The following RYR3 variants were observed in gnomAD, a reference collection of about 807,000 sequenced individuals.
RYR3 encodes ryanodine receptor 3.
Under a neutral mutation model 584.3 loss-of-function variants are expected in RYR3, and 207 were observed. The observed-to-expected ratio is 0.35, with a 90% CI of 0.32 to 0.40. The LOEUF (loss-of-function observed/expected upper bound fraction) is 0.40. RYR3 is among the 10% of genes least tolerant of loss of function. RYR3 has a pLI of 1.00. For missense variants in RYR3, 5,616 were observed against 6,089.2 expected (o/e 0.92, Z 2.59); for synonymous variants, 2,416 against 2,248.5 (o/e 1.07, Z -2.11).
In RYR3 at chr15:33,726,480, C is replaced by T. The variant is rs1434123396; in HGVS notation, c.7007C>T (p.Pro2336Leu). The stretch of plus-strand genomic sequence containing the variant: ...GACCTGGTTGGGATCATCAGCATCC[C>T]CTTGAAACTGCCCTCCCTCAACAAA... ...TEDLVGIISIPLKLPSLNKDG... is the reference protein window; with the variant it reads ...TEDLVGIISILLKLPSLNKDG... Residue 2336 changes from proline (P) to leucine (L), a missense_variant, in exon 46 of 104, where the codon CCC becomes CTC. Physicochemically the swap from Pro to Leu is moderately conservative, Grantham distance 98. Coordinates refer to ENST00000634891, the MANE Select transcript of RYR3 (RefSeq NM_001036.6). 1 of 1,602,028 alleles carries T rather than the reference C, an allele frequency of 6.2e-7. No individual in the cohort carries two copies. The highest frequency in any genetic ancestry group is 1.3e-5 in the African/African-American group (1 of 74,674).
intron 82 of RYR3, 33 bp from the exon 83 acceptor site, chr15:33,826,219 C>T: frequency 3.1e-6 from 5 of 1,610,262 alleles, no homozygotes; most frequent in Non-Finnish European, 4.2e-6. Context: ...AGTTTTCTTA[C>T]TTTCTATTCT....
chr15:33,623,312 C>T (rs984031508), intron 19 of RYR3, among the ~76,000 whole-genome samples: 1 of 152,206 alleles, frequency 6.6e-6, no homozygotes, highest in Non-Finnish European at 1.5e-5. Context: ...TCTGATGTTA[C>T]TTAGTCTTTT....
intron 81 of RYR3, 21 bp downstream of exon 81, chr15:33,823,093 A>G: frequency 6.2e-7 from 1 of 1,600,614 alleles, no homozygotes; most frequent in Non-Finnish European, 8.5e-7. Context: ...GAAAACTACC[A>G]TAGCATTTAA....
chr15:33,701,871 C>T (rs193067897), intron 42 of RYR3, among the ~76,000 whole-genome samples: 37 of 152,116 alleles, frequency 2.4e-4, no homozygotes, highest in East Asian at 2.1e-3. Flanking sequence ...GAGAGTATGG[C>T]GTGCTGGGGA....
At chr15:33,731,935 C>T (rs566214726) in intron 48 of RYR3, among the ~76,000 whole-genome samples, 6 of 152,256 alleles carry the variant, frequency 3.9e-5, no homozygotes, top group East Asian at 3.9e-4. Context: ...TTACCCATTA[C>T]GGTTGATGGA....
intron 1 of RYR3, among the ~76,000 whole-genome samples, chr15:33,450,109 A>AAAAAAAAAAAAC (rs1420732027): frequency 1.4e-5 from 2 of 147,042 alleles, no homozygotes; most frequent in African/African-American, 2.6e-5. Context: ...AAAAAAAAAA[A>AAAAAAAAAAAAC]AAGCCGGCAA....
At chr15:33,778,262 G>A (rs1341737393) in intron 64 of RYR3, among the ~76,000 whole-genome samples, 1 of 152,064 alleles carries the variant, frequency 6.6e-6, no homozygotes, top group Admixed American at 6.6e-5. Context: ...CTTTCCCAAT[G>A]CTCTCCCTGT....
intron 38 of RYR3, among the ~76,000 whole-genome samples, chr15:33,683,565 T>C (rs1269314892): frequency 2.6e-5 from 4 of 152,104 alleles, no homozygotes; most frequent in Non-Finnish European, 2.9e-5. Context: ...CCCAGCATGA[T>C]TGACACAGAA....
intron 15 of RYR3, among the ~76,000 whole-genome samples, chr15:33,585,430 CTTATATA>C (rs2058798547): frequency 6.6e-6 from 1 of 152,112 alleles, no homozygotes; most frequent in Non-Finnish European, 1.5e-5. Flanking sequence ...TAAGCCTTCA[CTTATATA>C]ACCTATCCAG....
At position 33,537,516 on chromosome 15, in the gene RYR3, T is replaced by C. The variant is rs559481211; in HGVS notation, c.434-1834T>C. ...ACAGCTTCACAAGTCATACACACTT[T>C]ACTGTAATTCTATATTGGAAATTTT... On this transcript the variant is annotated intron_variant, in intron 5 of 103. Transcript: ENST00000634891. Among the ~76,000 whole-genome samples the C allele has an allele frequency of 2.1e-5, 3 of 139,560 alleles. No individual in the cohort carries two copies. The Admixed American group carries it at 2.3e-4, about 11-fold the overall frequency. The allele number at this position is 139,560 out of a possible 152,430, so 91.6% of individuals were successfully genotyped here. A position where few individuals can be genotyped will look rare whatever the true frequency, so the allele number is the denominator to read the frequency against.
At chr15:33,420,091 G>T (rs1045536542) in intron 1 of RYR3, among the ~76,000 whole-genome samples, 1 of 152,128 alleles carries the variant, frequency 6.6e-6, no homozygotes, top group African/African-American at 2.4e-5. Flanking sequence ...CTATAATTAT[G>T]AATTTATCAG....
At chr15:33,656,457 C>T (rs1422990388) in intron 32 of RYR3, among the ~76,000 whole-genome samples, 5 of 151,526 alleles carry the variant, frequency 3.3e-5, no homozygotes, top group African/African-American at 7.3e-5. Flanking sequence ...GCCAGACTGA[C>T]CCACGGCTGG....
At chr15:33,446,286 C>T (rs1327550684) in intron 1 of RYR3, among the ~76,000 whole-genome samples, 2 of 152,168 alleles carry the variant, frequency 1.3e-5, no homozygotes, top group Admixed American at 6.5e-5. Flanking sequence ...CTGAGCTCTT[C>T]CCTCTCAGAT....
intron 38 of RYR3, among the ~76,000 whole-genome samples, chr15:33,685,800 G>T (rs1043995321): frequency 3.3e-5 from 5 of 152,146 alleles, no homozygotes; most frequent in Non-Finnish European, 7.3e-5. Context: ...ACTCAAAACC[G>T]CACAACTACA....
At chr15:33,859,463 T>C (rs1397185857) in intron 99 of RYR3, 112 bp from the exon 100 acceptor site, 1 of 1,175,490 alleles carries the variant, frequency 8.5e-7, no homozygotes, top group Non-Finnish European at 1.2e-6. Flanking sequence ...AGAGTTCCCC[T>C]CTCGTGGCTT....
At position 33,826,704 on chromosome 15, in the gene RYR3, C is replaced by T. The variant is rs548940105; in HGVS notation, c.11197C>T (p.Arg3733Cys). ...AGTACTCCAGAATGACGAGTTCACG[C>T]GTGATCTCTTTAGATTCCTACAGTT... Reference protein sequence around the residue: ...EKVLQNDEFTRDLFRFLQLLC... With the variant: ...EKVLQNDEFTCDLFRFLQLLC... Residue 3733 changes from arginine to cysteine, a missense_variant, in exon 84 of 104, where the codon CGT (arginine) becomes TGT (cysteine). Physicochemically the swap from Arg to Cys is radical, Grantham distance 180. Transcript: ENST00000634891. 3.3e-5 allele frequency: 54 copies of T among 1,613,910 alleles called. No homozygotes were observed. The highest frequency in any genetic ancestry group is 6.6e-5 in the South Asian group (6 of 91,060).
At chr15:33,794,107 TATA>T (rs796412946) in intron 67 of RYR3, among the ~76,000 whole-genome samples, 3 of 32,944 alleles carry the variant, frequency 9.1e-5, no homozygotes, top group Admixed American at 5.8e-4. Flanking sequence ...ATTATATAAA[TATA>T]ATATACATAA....
At chr15:33,425,664 T>G (rs1490642592) in intron 1 of RYR3, among the ~76,000 whole-genome samples, 1 of 124,310 alleles carries the variant, frequency 8.0e-6, no homozygotes, top group East Asian at 2.9e-4. Flanking sequence ...TTTTTTGAGA[T>G]GGAGTCTCGC....
chr15:33,446,723 T>C (rs150831835), intron 1 of RYR3, among the ~76,000 whole-genome samples: 3 of 152,336 alleles, frequency 2.0e-5, no homozygotes, highest in East Asian at 3.9e-4. Context: ...CTTCAACATA[T>C]GAATTTTGGA....
Sources: gnomAD v4.1 joint callset for allele counts (sites outside exome capture counted in the v4.1 genomes callset) on GRCh38, gnomAD v4.1.1 for gene constraint, MANE v1.5 for transcripts, NCBI Gene and HGNC (gene_info 2026-07-23, HGNC 2026-07-21) for gene names.